MACROD2: variants seen among roughly 807,000 people sequenced by gnomAD.
MACROD2 encodes ADP-ribose glycohydrolase MACROD2.
A neutral mutation model predicts 70.4 loss-of-function variants in MACROD2; 36 were observed. The ratio of observed to expected loss-of-function variants is 0.51; its 90% confidence interval spans 0.39 to 0.68. MACROD2 has a LOEUF of 0.68. MACROD2 is among the 30% of genes least tolerant of loss of function. The probability of loss-of-function intolerance (pLI) is 0.00; values close to 1 mark genes in which losing one functional copy is unlikely to be tolerated. For missense variants in MACROD2, 496 were observed against 538.4 expected (o/e 0.92, Z 0.78); for synonymous variants, 172 against 178.8 (o/e 0.96, Z 0.30).
intron 3 of MACROD2, among the ~76,000 whole-genome samples, chr20:14,407,113 T>C (rs1377856055): frequency 6.3e-5 from 1 of 15,850 alleles, no homozygotes; most frequent in Non-Finnish European, 1.5e-4. Flanking sequence ...ATTACTCTAG[T>C]GGCAATGAAA....
chr20:14,497,035 C>A (rs1332833117), intron 4 of MACROD2, among the ~76,000 whole-genome samples: 2 of 151,706 alleles, frequency 1.3e-5, no homozygotes, highest in Non-Finnish European at 2.9e-5. Flanking sequence ...CTTGCCCTGG[C>A]ACTGTGGTTT....
At chr20:15,674,455 A>G (rs1267645818) in intron 8 of MACROD2, among the ~76,000 whole-genome samples, 1 of 152,122 alleles carries the variant, frequency 6.6e-6, no homozygotes, top group African/African-American at 2.4e-5. Flanking sequence ...TAGGCGAGTC[A>G]TCAATAATAG....
chr20:15,053,339 C>A (rs933149051), intron 5 of MACROD2, among the ~76,000 whole-genome samples: 1 of 152,192 alleles, frequency 6.6e-6, no homozygotes, highest in Non-Finnish European at 1.5e-5. Context: ...GGCCTCAAAG[C>A]TTCAAAGGGC....
At chr20:14,860,846 A>G (rs2073307901) in intron 5 of MACROD2, among the ~76,000 whole-genome samples, 1 of 152,040 alleles carries the variant, frequency 6.6e-6, no homozygotes, top group Non-Finnish European at 1.5e-5. Flanking sequence ...TCTCCAAAAT[A>G]AATTCAACGT....
chr20:15,046,530 T>G (rs2075396136), intron 5 of MACROD2, among the ~76,000 whole-genome samples: 1 of 152,212 alleles, frequency 6.6e-6, no homozygotes, highest in Non-Finnish European at 1.5e-5. Flanking sequence ...TGCACATGTG[T>G]ACCTAGGTAT....
At position 15,130,256 on chromosome 20, in the gene MACROD2, C is replaced by G. The variant is rs140067959; in HGVS notation, c.419-99684C>G. ...TCAGCACTGACCATTCACCATTCAT[C>G]CATCCACCCATCCATCCATCTAGTC... On this transcript the variant is annotated intron_variant, in intron 5 of 17. Coordinates refer to ENST00000684519, the MANE Select transcript of MACROD2 (RefSeq NM_001351661.2). Among the ~76,000 whole-genome samples, 297 of 152,084 alleles carry G rather than the reference C, an allele frequency of 2.0e-3. 3 individuals are homozygous for G. The highest frequency in any genetic ancestry group is 6.6e-3 in the African/African-American group (274 of 41,500).
intron 5 of MACROD2, among the ~76,000 whole-genome samples, chr20:14,737,304 G>C (rs1344165630): frequency 1.3e-5 from 2 of 152,112 alleles, no homozygotes; most frequent in Non-Finnish European, 2.9e-5. Context: ...TGTGGCTGCA[G>C]AGTATTCCAT....
intron 8 of MACROD2, among the ~76,000 whole-genome samples, chr20:15,835,414 A>T (rs761671414): frequency 7.2e-5 from 11 of 152,104 alleles, no homozygotes; most frequent in African/African-American, 2.7e-4. Context: ...ATCAATATGA[A>T]TAATGTATTA....
intron 5 of MACROD2, among the ~76,000 whole-genome samples, chr20:14,829,703 T>C (rs1441684819): frequency 6.6e-6 from 1 of 152,104 alleles, no homozygotes; most frequent in Non-Finnish European, 1.5e-5. Context: ...AAATGACTAG[T>C]AAGGAAATGA....
chr20:14,896,900 A>G (rs781479825), intron 5 of MACROD2, among the ~76,000 whole-genome samples: 2 of 152,214 alleles, frequency 1.3e-5, no homozygotes, highest in Non-Finnish European at 2.9e-5. Context: ...GTAATTATAA[A>G]TGTGTAGCTA....
At chr20:14,691,563 G>T (rs1206631327) in intron 5 of MACROD2, among the ~76,000 whole-genome samples, 1 of 152,194 alleles carries the variant, frequency 6.6e-6, no homozygotes, top group African/African-American at 2.4e-5. Context: ...GCAAATCTTT[G>T]TTCCTTGTTT....
At chr20:15,112,642 G>A (rs764914066) in intron 5 of MACROD2, among the ~76,000 whole-genome samples, 3 of 152,126 alleles carry the variant, frequency 2.0e-5, no homozygotes, top group Admixed American at 2.0e-4. Context: ...GGTTAAACAC[G>A]TATAACAAAA....
At chr20:14,558,539 T>A (rs565086555) in intron 4 of MACROD2, among the ~76,000 whole-genome samples, 2 of 151,840 alleles carry the variant, frequency 1.3e-5, no homozygotes, top group African/African-American at 4.8e-5. Context: ...AAAAAATTGT[T>A]ATATTCTTAC....
At chr20:15,092,064 CTA>C (rs2123167233) in intron 5 of MACROD2, among the ~76,000 whole-genome samples, 1 of 152,198 alleles carries the variant, frequency 6.6e-6, no homozygotes, top group South Asian at 2.1e-4. Context: ...TACATTCACA[CTA>C]AAGTCATTTG....
chr20:14,075,398 C>T (rs867930740), intron 2 of MACROD2, among the ~76,000 whole-genome samples: 6 of 152,252 alleles, frequency 3.9e-5, no homozygotes, highest in East Asian at 1.9e-4. Context: ...ATACTATCTG[C>T]GGTTTCAGGC....
At chr20:15,492,673 T>C (rs1407463093) in intron 7 of MACROD2, among the ~76,000 whole-genome samples, 1 of 152,190 alleles carries the variant, frequency 6.6e-6, no homozygotes, top group Non-Finnish European at 1.5e-5. Flanking sequence ...AGGACAATCA[T>C]AGGTTTCTAT....
chr20:14,499,200 G>A (rs2084889647), intron 4 of MACROD2, among the ~76,000 whole-genome samples: 1 of 152,172 alleles, frequency 6.6e-6, no homozygotes, highest in Non-Finnish European at 1.5e-5. Flanking sequence ...ATGCAGGAAA[G>A]GATGTGATGC....
chr20:14,958,199 G>A (rs1216383300), intron 5 of MACROD2, among the ~76,000 whole-genome samples: 1 of 152,150 alleles, frequency 6.6e-6, no homozygotes, highest in African/African-American at 2.4e-5. Flanking sequence ...CAGTCAGAAT[G>A]CAAAGGATGC....
At chr20:15,800,275 G>C (rs1206577957) in intron 8 of MACROD2, among the ~76,000 whole-genome samples, 1 of 151,868 alleles carries the variant, frequency 6.6e-6, no homozygotes, top group Admixed American at 6.6e-5. Flanking sequence ...CTGTGCAGAA[G>C]CTTTTTAATT....
Sources: allele counts gnomAD v4.1 joint callset (sites outside exome capture counted in the v4.1 genomes callset), GRCh38; gene constraint gnomAD v4.1.1; transcripts MANE v1.5; gene names NCBI Gene and HGNC (gene_info 2026-07-23, HGNC 2026-07-21).